TMEM132C: variants seen among roughly 807,000 people sequenced by gnomAD.
The protein encoded by TMEM132C is protein phosphatase 1, regulatory subunit 152.
In TMEM132C, 29 loss-of-function variants were observed where a neutral mutation model predicts 61.4. The ratio of observed to expected loss-of-function variants is 0.47; its 90% CI spans 0.35 to 0.64. The LOEUF is 0.64. Ranked by LOEUF, TMEM132C falls within the 30% of genes least tolerant of loss-of-function variation. The probability of loss-of-function intolerance (pLI) is 0.00; values close to 1 mark genes in which losing one functional copy is unlikely to be tolerated. For missense variants in TMEM132C, 1,408 were observed against 1,476.9 expected (o/e 0.95, Z 0.76); for synonymous variants, 656 against 633.1 (o/e 1.04, Z -0.54).
rs192462722 is a variant in TMEM132C, at chr12:128,645,480, G to T, written c.1306-23937G>T. Among the ~76,000 whole-genome samples the T allele has an allele frequency of 6.6e-5, 10 of 151,922 alleles. No homozygotes were observed. The East Asian group carries it at 1.4e-3, about 21-fold the overall frequency. Reference sequence around the variant, plus strand: ...GATCCTTCCAGCACATTCTTCTCTCGCTTGAGTTATCCAGATTTCGTTTCT... The same window carrying T: ...GATCCTTCCAGCACATTCTTCTCTCTCTTGAGTTATCCAGATTTCGTTTCT... On this transcript the variant is annotated intron_variant, in intron 4 of 8. Transcript: ENST00000435159.
At chr12:128,546,120 C>T (rs1451918215) in intron 3 of TMEM132C, among the ~76,000 whole-genome samples, 1 of 152,160 alleles carries the variant, frequency 6.6e-6, no homozygotes, top group Non-Finnish European at 1.5e-5. Context: ...TGCCAACCGT[C>T]ACCATCATTA....
intron 2 of TMEM132C, among the ~76,000 whole-genome samples, chr12:128,467,914 T>C (rs916345620): frequency 1.3e-5 from 2 of 152,180 alleles, no homozygotes; most frequent in Non-Finnish European, 2.9e-5. Flanking sequence ...ATGAGGTTTA[T>C]AGTCCGGTGG....
At chr12:128,605,626 G>A (rs1876395732) in intron 3 of TMEM132C, among the ~76,000 whole-genome samples, 1 of 152,122 alleles carries the variant, frequency 6.6e-6, no homozygotes, top group Admixed American at 6.5e-5. Flanking sequence ...GATAGCCTTC[G>A]ACACCCTCAG....
Position 128,415,350 on chromosome 12 carries a change from G to T in TMEM132C, c.704G>T (p.Gly235Val). The stretch of plus-strand genomic sequence containing the variant: ...GAGCTCTACTACACCGTGCACCCAG[G>T]AAACGAGCGAGGGGACTGTGCCGGG... ...PVELYYTVHPGNERGDCAGGD... is the reference protein window; with the variant it reads ...PVELYYTVHPVNERGDCAGGD... The change falls in exon 2 of 9, where the codon GGA becomes GTA. Residue 235 changes from glycine (G) to valine (V), a missense_variant. Physicochemically the swap from Gly to Val is moderately radical, Grantham distance 109. Coordinates refer to ENST00000435159, the MANE Select transcript of TMEM132C (RefSeq NM_001136103.3). The surrounding 1 kb of genome is among the most constrained non-coding windows in gnomAD (Gnocchi z 5.8). The T allele has an allele frequency of 6.4e-7, 1 of 1,573,288 alleles. No individual in the cohort carries two copies. The highest frequency in any genetic ancestry group is 8.6e-7 in the Non-Finnish European group (1 of 1,157,944).
chr12:128,414,431 A>G (rs948453854), intron 1 of TMEM132C, among the ~76,000 whole-genome samples: 2 of 152,182 alleles, frequency 1.3e-5, no homozygotes, highest in African/African-American at 4.8e-5. Context: ...CTTTACTCCT[A>G]TAGGTAATTT....
At chr12:128,300,095 A>G (rs1040655659) in intron 1 of TMEM132C, among the ~76,000 whole-genome samples, 1 of 152,246 alleles carries the variant, frequency 6.6e-6, no homozygotes, top group African/African-American at 2.4e-5. Context: ...TGATCAAAGC[A>G]GGTGGTGCTT....
At chr12:128,280,217 C>T (rs868370907) in intron 1 of TMEM132C, among the ~76,000 whole-genome samples, 5 of 152,206 alleles carry the variant, frequency 3.3e-5, no homozygotes, top group Non-Finnish European at 7.3e-5. Flanking sequence ...CCGTCAGTCG[C>T]TCCAGGGAAG....
chr12:128,541,616 G>C (rs930687808), intron 2 of TMEM132C, among the ~76,000 whole-genome samples: 1 of 152,106 alleles, frequency 6.6e-6, no homozygotes, highest in African/African-American at 2.4e-5. Flanking sequence ...AGCATATCAC[G>C]GTCTTTATAT....
At chr12:128,510,935 T>C (rs1188922699) in intron 2 of TMEM132C, among the ~76,000 whole-genome samples, 2 of 152,218 alleles carry the variant, frequency 1.3e-5, no homozygotes, top group African/African-American at 2.4e-5. Context: ...CACCCACCGA[T>C]GTCCACGTTG....
At chr12:128,453,825 C>T (rs898665493) in intron 2 of TMEM132C, among the ~76,000 whole-genome samples, 1 of 152,144 alleles carries the variant, frequency 6.6e-6, no homozygotes. Flanking sequence ...AAAATTGGCT[C>T]TTTGGCCATC....
intron 2 of TMEM132C, among the ~76,000 whole-genome samples, chr12:128,454,391 C>T (rs1870276645): frequency 6.6e-6 from 1 of 152,226 alleles, no homozygotes; most frequent in African/African-American, 2.4e-5. Context: ...TCTTTCTCAC[C>T]TATCCCTATA....
intron 4 of TMEM132C, among the ~76,000 whole-genome samples, chr12:128,627,809 G>A (rs1278411232): frequency 2.0e-5 from 3 of 152,270 alleles, no homozygotes; most frequent in Middle Eastern, 3.4e-3. Flanking sequence ...TCAGGCCTCC[G>A]TGCCCAGAAA....
At chr12:128,394,770 A>G (rs943147309) in intron 1 of TMEM132C, among the ~76,000 whole-genome samples, 3 of 152,240 alleles carry the variant, frequency 2.0e-5, no homozygotes, top group African/African-American at 7.2e-5. Flanking sequence ...TACGAGCCAT[A>G]CACGGGATAG....
chr12:128,480,850 T>A (rs982599104), intron 2 of TMEM132C, among the ~76,000 whole-genome samples: 3 of 152,154 alleles, frequency 2.0e-5, no homozygotes, highest in African/African-American at 7.2e-5. Context: ...ATACATCATC[T>A]TCCAGCCCAT....
At chr12:128,270,403 C>G (rs1870469476) in intron 1 of TMEM132C, among the ~76,000 whole-genome samples, 1 of 152,128 alleles carries the variant, frequency 6.6e-6, no homozygotes, top group South Asian at 2.1e-4. Context: ...ACTTTGTGTG[C>G]AATGTATGAA....
intron 2 of TMEM132C, among the ~76,000 whole-genome samples, chr12:128,441,911 A>G (rs1026790534): frequency 6.6e-6 from 1 of 152,210 alleles, no homozygotes; most frequent in African/African-American, 2.4e-5. Flanking sequence ...CTGAGGCAGG[A>G]GAATCACTTG....
chr12:128,638,463 C>G (rs1005015389), intron 4 of TMEM132C, among the ~76,000 whole-genome samples: 1 of 152,204 alleles, frequency 6.6e-6, no homozygotes. Flanking sequence ...ATTAACAGTT[C>G]CTCAGTGCTG....
intron 2 of TMEM132C, among the ~76,000 whole-genome samples, chr12:128,510,314 A>G (rs1402252062): frequency 1.3e-5 from 2 of 152,204 alleles, no homozygotes; most frequent in East Asian, 1.9e-4. Context: ...CAACAACACC[A>G]TGACTGAGAA....
At position 128,493,067 on chromosome 12, in the gene TMEM132C, T is replaced by A. The variant is rs138133868; in HGVS notation, c.975-50890T>A. On this transcript the variant is annotated intron_variant, in intron 2 of 8. Transcript: ENST00000435159. ...GGATCCAGTTTCAGCTTTCTACATATGGCTAGCCAGTTTTCCCAGCACCAT... is the reference window on the plus strand; with the variant it reads ...GGATCCAGTTTCAGCTTTCTACATAAGGCTAGCCAGTTTTCCCAGCACCAT... 0.019 allele frequency among the ~76,000 whole-genome samples: 2,906 copies of A among 152,312 alleles called. 289 individuals are homozygous for A. The East Asian group carries it at 0.3, about 16-fold the overall frequency.
Sources: allele counts gnomAD v4.1 joint callset (sites outside exome capture counted in the v4.1 genomes callset), GRCh38; gene constraint gnomAD v4.1.1; non-coding constraint Gnocchi (gnomAD v3.1); transcripts MANE v1.5; gene names NCBI Gene and HGNC (gene_info 2026-07-23, HGNC 2026-07-21).